The following PXDNL variants were observed in gnomAD, a reference collection of about 807,000 sequenced individuals.
PXDNL encodes the protein peroxidasin like, also known as probable oxidoreductase PXDNL.
Under a neutral mutation model 150.8 loss-of-function variants are expected in PXDNL, and 145 were observed. The ratio of observed to expected loss-of-function variants is 0.96; its 90% CI spans 0.84 to 1.10. The LOEUF is 1.10. PXDNL is among the 50% of genes least tolerant of loss of function. The pLI is 0.00. For missense variants in PXDNL, 2,087 were observed against 1,873.9 expected (o/e 1.11, Z -2.10); for synonymous variants, 757 against 725.7 (o/e 1.04, Z -0.69).
At chr8:51,519,795 T>G (rs931426828) in intron 4 of PXDNL, among the ~76,000 whole-genome samples, 1 of 152,150 alleles carries the variant, frequency 6.6e-6, no homozygotes, top group African/African-American at 2.4e-5. Flanking sequence ...AGACTGGAAG[T>G]CAGGATTCCT....
intron 16 of PXDNL, 144 bp from the exon 17 acceptor site, chr8:51,409,705 T>A: frequency 1.7e-6 from 1 of 586,422 alleles, no homozygotes; most frequent in Non-Finnish European, 2.9e-6. Flanking sequence ...AAACATTTCG[T>A]TAGCTCACAA....
intron 16 of PXDNL, 95 bp from the exon 17 acceptor site, chr8:51,409,656 C>A: frequency 2.9e-6 from 3 of 1,028,446 alleles, no homozygotes; most frequent in Non-Finnish European, 2.7e-6. Context: ...CCTCCCACCC[C>A]GCCCGCCCTG....
At chr8:51,451,089 GAAT>G (rs1586117391) in intron 10 of PXDNL, among the ~76,000 whole-genome samples, 2 of 151,296 alleles carry the variant, frequency 1.3e-5, no homozygotes, top group Admixed American at 6.6e-5. Flanking sequence ...TTCAACTTTT[GAAT>G]AATAATAACT....
chr8:51,464,653 T>C (rs1835689), intron 8 of PXDNL, among the ~76,000 whole-genome samples: 79,938 of 151,816 alleles, frequency 0.53, 24,897 homozygotes, highest in Non-Finnish European at 0.69. Flanking sequence ...AAACCCTGAA[T>C]AGATAAATAA....
At chr8:51,351,251 T>A (rs11780926) in intron 19 of PXDNL, among the ~76,000 whole-genome samples, 11,243 of 152,252 alleles carry the variant, frequency 0.074, 1,043 homozygotes, top group African/African-American at 0.22. Flanking sequence ...ACTCAGACTA[T>A]AACATTATTT....
chr8:51,668,585 C>T (rs10091349), intron 1 of PXDNL, among the ~76,000 whole-genome samples: 8,775 of 152,234 alleles, frequency 0.058, 373 homozygotes, highest in African/African-American at 0.12. Context: ...GGGTCTACAA[C>T]ATGTCTGTAC....
At position 51,576,882 on chromosome 8, in the gene PXDNL, T is replaced by C. The variant is rs150925754; in HGVS notation, c.308+15745A>G. On this transcript the variant is annotated intron_variant, in intron 3 of 22. Transcript: ENST00000356297. ...AACACAACAAACAATTCTACACATA[T>C]ATATTTGACAAATTAGAAAAAATGG... 1.1e-4 allele frequency among the ~76,000 whole-genome samples: 17 copies of C among 152,030 alleles called. No homozygotes were observed. The East Asian group carries it at 3.3e-3, about 30-fold the overall frequency.
At position 51,538,651 on chromosome 8, in the gene PXDNL, C is replaced by T. The variant is rs189938377; in HGVS notation, c.380+18189G>A. Among the ~76,000 whole-genome samples the T allele has an allele frequency of 1.8e-3, 279 of 152,120 alleles. 1 individual carries two copies. The highest frequency in any genetic ancestry group is 6.8e-3 in the Middle Eastern group (2 of 294). ...GTCTGGTGGTGGGCGTCTGTAATCC[C>T]AGCTACTCAGGAGGCTGAGGCAGGA... is the stretch of plus-strand genomic sequence containing the variant. On this transcript the variant is annotated intron_variant, in intron 4 of 22. Transcript: ENST00000356297.
chr8:51,482,207 A>T (rs1485841572), intron 6 of PXDNL, among the ~76,000 whole-genome samples: 2 of 152,190 alleles, frequency 1.3e-5, no homozygotes, highest in Non-Finnish European at 2.9e-5. Context: ...TGGTCGTGAG[A>T]CATGGAGTCA....
chr8:51,522,574 T>C (rs1811684491), intron 4 of PXDNL, among the ~76,000 whole-genome samples: 1 of 152,182 alleles, frequency 6.6e-6, no homozygotes, highest in Admixed American at 6.5e-5. Flanking sequence ...GCCGGGGCGG[T>C]GGCTCTCGCC....
chr8:51,531,970 G>T (rs538390713), intron 4 of PXDNL, among the ~76,000 whole-genome samples: 2 of 152,232 alleles, frequency 1.3e-5, no homozygotes, highest in Admixed American at 1.3e-4. Context: ...CCCCAAACAC[G>T]GTTTAATGTA....
intron 5 of PXDNL, among the ~76,000 whole-genome samples, chr8:51,484,035 TG>T (rs1228389070): frequency 2.2e-4 from 34 of 152,242 alleles, no homozygotes; most frequent in Admixed American, 2.2e-3. Flanking sequence ...AAATAGTCAA[TG>T]TATTCATTAT....
rs144073507 is a variant in PXDNL, at chr8:51,596,004, G to A, written c.237-3306C>T. On this transcript the variant is annotated intron_variant, in intron 2 of 22. Transcript: ENST00000356297. ...GGGGTATGGATAATCCCATCACCCC[G>A]GTACTGAGAATAGTACCAAATAGTT... Among the ~76,000 whole-genome samples, 224 of 152,136 alleles carry A rather than the reference G, an allele frequency of 1.5e-3. 1 individual carries two copies. Among genetic ancestry groups the A allele is most frequent in the African/African-American group, 4.4e-3 (183 of 41,522 alleles).
chr8:51,733,905 GA>G (rs1372847910), intron 1 of PXDNL, among the ~76,000 whole-genome samples: 4 of 149,020 alleles, frequency 2.7e-5, no homozygotes, highest in African/African-American at 9.8e-5. Flanking sequence ...AAAAACAAAA[GA>G]AGGGATATGA....
At chr8:51,709,428 T>C (rs201686799) in intron 1 of PXDNL, among the ~76,000 whole-genome samples, 3 of 151,976 alleles carry the variant, frequency 2.0e-5, no homozygotes, top group African/African-American at 7.3e-5. Context: ...CTAATTTTTT[T>C]TATTTTTAGT....
intron 1 of PXDNL, among the ~76,000 whole-genome samples, chr8:51,675,139 A>T (rs1056699365): frequency 4.6e-5 from 7 of 152,048 alleles, no homozygotes; most frequent in Non-Finnish European, 1.0e-4. Context: ...AACCCTAGTC[A>T]TTTCTCCATT....
At chr8:51,771,658 A>G (rs1397671939) in intron 1 of PXDNL, among the ~76,000 whole-genome samples, 1 of 152,192 alleles carries the variant, frequency 6.6e-6, no homozygotes, top group Non-Finnish European at 1.5e-5. Flanking sequence ...GAAAGACAGA[A>G]GCAGGGAAAG....
chr8:51,371,936 C>T lies in PXDNL; in HGVS notation c.3838G>A (p.Asp1280Asn), dbSNP rs1290580734. 1 of 1,613,880 alleles carries T rather than the reference C, an allele frequency of 6.2e-7. No homozygotes were observed. Among genetic ancestry groups the T allele is most frequent in the African/African-American group, 1.3e-5 (1 of 74,926 alleles). The change falls in exon 19 of 23, where the codon GAT (aspartate) becomes AAT (asparagine). Residue 1280 changes from aspartate (D) to asparagine (N), a missense_variant. Transcript: ENST00000356297. ...GGGATCTCGCTGCAGTTCAGGTAAT[C>T]CTGTGGGTATTCTGCCTTTACAAAG... The part of the protein sequence containing the change: ...DVFVKAEYPQ[D>N]YLNCSEIPKV...
intron 1 of PXDNL, among the ~76,000 whole-genome samples, chr8:51,740,602 T>C (rs929145629): frequency 5.3e-5 from 8 of 152,228 alleles, no homozygotes; most frequent in African/African-American, 1.9e-4. Context: ...TTTTTTCATA[T>C]GTTTGTTGGC....
Sources: allele counts gnomAD v4.1 joint callset (sites outside exome capture counted in the v4.1 genomes callset), GRCh38; gene constraint gnomAD v4.1.1; transcripts MANE v1.5; gene names NCBI Gene and HGNC (gene_info 2026-07-23, HGNC 2026-07-21).